MROH9: variants seen among roughly 807,000 people sequenced by gnomAD.
MROH9 encodes maestro heat-like repeat-containing protein family member 9.
In MROH9, 92 loss-of-function variants were observed where a neutral mutation model predicts 98.2. That is an observed-to-expected ratio of 0.94 (90% CI 0.79 to 1.11). The LOEUF is 1.11. Ranked by LOEUF, MROH9 falls within the 50% of genes most tolerant of loss-of-function variation. The pLI is 0.00. For synonymous variants in MROH9, 397 were observed against 368.9 expected (o/e 1.08, Z -0.87); for missense variants, 1,057 against 1,014.8 (o/e 1.04, Z -0.57).
chr1:170,964,867 G>A (rs910158263), intron 6 of MROH9, among the ~76,000 whole-genome samples: 2 of 151,994 alleles, frequency 1.3e-5, no homozygotes. Context: ...TCATAGCTTC[G>A]TACTGAACTA....
intron 15 of MROH9, among the ~76,000 whole-genome samples, chr1:170,999,761 T>A (rs1199608112): frequency 6.6e-6 from 1 of 152,150 alleles, no homozygotes; most frequent in Non-Finnish European, 1.5e-5. Context: ...CTCCACACAG[T>A]TTTCCATAGT....
At chr1:171,024,301 G>GTGTGTGTGTGTGTGTGTGT in intron 17 of MROH9, 94 bp from the exon 18 acceptor site, 1 of 718,548 alleles carries the variant, frequency 1.4e-6, no homozygotes, top group Non-Finnish European at 2.1e-6. Context: ...ATATTTATAT[G>GTGTGTGTGTGTGTGTGTGT]GGGTGTGTGT....
chr1:171,061,850 G>C (rs919509209), intron 20 of MROH9, among the ~76,000 whole-genome samples: 4 of 152,150 alleles, frequency 2.6e-5, no homozygotes, highest in Non-Finnish European at 5.9e-5. Context: ...AAGCTTCTAG[G>C]ATGCTGCTAA....
At chr1:170,997,367 G>A (rs73038211) in intron 14 of MROH9, among the ~76,000 whole-genome samples, 13,615 of 152,022 alleles carry the variant, frequency 0.09, 782 homozygotes, top group African/African-American at 0.16. Context: ...TCACTCTAAG[G>A]GTATCTAAGA....
At chr1:171,000,302 A>C (rs1169793828) in intron 15 of MROH9, among the ~76,000 whole-genome samples, 2 of 151,700 alleles carry the variant, frequency 1.3e-5, no homozygotes, top group Non-Finnish European at 3.0e-5. Context: ...ATCTTTTAGA[A>C]TTTTTATAGT....
intron 20 of MROH9, among the ~76,000 whole-genome samples, chr1:171,040,979 T>C (rs1473784984): frequency 6.6e-6 from 1 of 152,076 alleles, no homozygotes; most frequent in Admixed American, 6.6e-5. Context: ...ATAAAGCTGA[T>C]ATAAATTTTT....
In MROH9 at chr1:170,981,743, T is replaced by TAA. The variant is rs199565527; in HGVS notation, c.617-1668_617-1667dup. On this transcript the variant is annotated intron_variant, in intron 8 of 21. Transcript: ENST00000367759. ...CCTTCCGCTTTTTTTTTAGAAGAAA[T>TAA]AAAAAAAAAAAACTCTCTATGAAAA... Among the ~76,000 whole-genome samples, 1,083 of 126,480 alleles carry TAA rather than the reference T, an allele frequency of 8.6e-3. 7 individuals are homozygous for TAA. The highest frequency in any genetic ancestry group is 0.028 in the African/African-American group (956 of 33,788). The allele number at this position is 126,480 out of a possible 152,430, so 83.0% of individuals were successfully genotyped here.
intron 20 of MROH9, among the ~76,000 whole-genome samples, chr1:171,028,581 G>A (rs1031955636): frequency 6.6e-6 from 1 of 152,320 alleles, no homozygotes; most frequent in African/African-American, 2.4e-5. Flanking sequence ...ATGGTAGTTT[G>A]ATGGGAATAG....
chr1:170,990,333 C>T (rs1005090630), intron 11 of MROH9, among the ~76,000 whole-genome samples: 2 of 152,094 alleles, frequency 1.3e-5, no homozygotes, highest in East Asian at 3.9e-4. Context: ...TTTTTATTCC[C>T]GTTTGTGAAT....
intron 2 of MROH9, among the ~76,000 whole-genome samples, chr1:170,946,511 T>G (rs1340452548): frequency 6.6e-6 from 1 of 151,974 alleles, no homozygotes; most frequent in East Asian, 1.9e-4. Context: ...AAGTCTGAAT[T>G]TTAGTTAATG....
chr1:170,952,353 A>T lies in MROH9; in HGVS notation c.72+4780A>T, dbSNP rs565023491. Among the ~76,000 whole-genome samples the T allele has an allele frequency of 4.6e-5, 7 of 152,258 alleles. No homozygotes were observed. In the South Asian group the frequency reaches 1.5e-3, roughly 32 times the overall value. On this transcript the variant is annotated intron_variant, in intron 3 of 21. Coordinates refer to ENST00000367759, the MANE Select transcript of MROH9 (RefSeq NM_001163629.2). ...TAGCAAAGACTTGGAACCAAACCAAATGTCCATCAATGATAGACTGGATTA... is the reference window on the plus strand; with the variant it reads ...TAGCAAAGACTTGGAACCAAACCAATTGTCCATCAATGATAGACTGGATTA...
chr1:171,047,510 T>A (rs1363590520), intron 20 of MROH9, among the ~76,000 whole-genome samples: 1 of 152,228 alleles, frequency 6.6e-6, no homozygotes, highest in African/African-American at 2.4e-5. Context: ...TTCTTTTTCA[T>A]CATTTTAATC....
chr1:171,038,089 G>A (rs993562758), intron 20 of MROH9, among the ~76,000 whole-genome samples: 3 of 152,020 alleles, frequency 2.0e-5, no homozygotes, highest in African/African-American at 7.2e-5. Context: ...ATGTAAAAAT[G>A]AAACGGTATT....
chr1:170,972,669 G>A (rs913531794), intron 8 of MROH9, among the ~76,000 whole-genome samples: 21 of 151,862 alleles, frequency 1.4e-4, no homozygotes, highest in Non-Finnish European at 2.4e-4. Flanking sequence ...AAAATAAGCC[G>A]GGTGTGGTGG....
intron 3 of MROH9, among the ~76,000 whole-genome samples, chr1:170,950,207 A>C (rs2101877004): frequency 6.6e-6 from 1 of 152,142 alleles, no homozygotes; most frequent in South Asian, 2.1e-4. Context: ...TAAAACCAAA[A>C]TCCTTGCCTG....
chr1:170,975,367 A>C (rs77504314), intron 8 of MROH9, among the ~76,000 whole-genome samples: 1,831 of 152,274 alleles, frequency 0.012, 38 homozygotes, highest in African/African-American at 0.042. Flanking sequence ...GAATGCCTCC[A>C]GGGAAAAGAA....
chr1:170,991,051 G>T (rs1175515732), intron 11 of MROH9, among the ~76,000 whole-genome samples: 2 of 152,086 alleles, frequency 1.3e-5, no homozygotes, highest in Non-Finnish European at 2.9e-5. Context: ...AGTATTACTG[G>T]CCCTCAAGCA....
intron 8 of MROH9, among the ~76,000 whole-genome samples, chr1:170,980,320 G>T (rs1245716417): frequency 1.3e-5 from 2 of 152,102 alleles, no homozygotes; most frequent in Non-Finnish European, 2.9e-5. Flanking sequence ...AAGGCATCAT[G>T]CTACCTGACT....
At chr1:171,029,017 G>T (rs1475833059) in intron 20 of MROH9, among the ~76,000 whole-genome samples, 1 of 152,126 alleles carries the variant, frequency 6.6e-6, no homozygotes, top group Non-Finnish European at 1.5e-5. Flanking sequence ...TCTCTTGCCT[G>T]ATTGCCCTGG....
Sources: gnomAD v4.1 joint callset for allele counts (sites outside exome capture counted in the v4.1 genomes callset) on GRCh38, gnomAD v4.1.1 for gene constraint, MANE v1.5 for transcripts, NCBI Gene and HGNC (gene_info 2026-07-23, HGNC 2026-07-21) for gene names.